PCM1: variants seen among roughly 807,000 people sequenced by gnomAD.
PCM1 encodes pericentriolar material 1, also known as pericentriolar material 1 protein.
PCM1 carries 157 observed loss-of-function variants against 241.9 expected under a neutral mutation model. The observed-to-expected ratio is 0.65, with a 90% CI of 0.57 to 0.74. The LOEUF is 0.74. Among genes scored for constraint, PCM1 ranks in the 30% least tolerant of loss-of-function variants. The probability of loss-of-function intolerance (pLI) is 0.00; values close to 1 mark genes in which losing one functional copy is unlikely to be tolerated. For missense variants in PCM1, 3,478 were observed against 2,360.1 expected (o/e 1.47, Z -9.81); for synonymous variants, 1,085 against 784.9 (o/e 1.38, Z -6.39).
intron 3 of PCM1, 24 bp downstream of exon 3, chr8:17,935,730 T>C: frequency 9.5e-7 from 1 of 1,053,046 alleles, no homozygotes; most frequent in Middle Eastern, 2.0e-4. Context: ...CTCTTCATGG[T>C]GTGTTGTTGG....
At chr8:17,970,384 T>G (rs2076435013) in intron 22 of PCM1, among the ~76,000 whole-genome samples, 1 of 152,068 alleles carries the variant, frequency 6.6e-6, no homozygotes, top group African/African-American at 2.4e-5. Flanking sequence ...TCTCAGGCTC[T>G]TATATTAGCA....
chr8:17,970,431 A>ATTT (rs11399726), intron 22 of PCM1, among the ~76,000 whole-genome samples: 2 of 142,956 alleles, frequency 1.4e-5, no homozygotes, highest in South Asian at 2.2e-4. Flanking sequence ...ATTAACTGGG[A>ATTT]TTTTTTTTTT....
chr8:17,955,529 T>G lies in PCM1; in HGVS notation c.1348T>G (p.Leu450Val), dbSNP rs967392646. ...TTCAGCTCCCTCTGCTTCTGTAGGC[T>G]TGGCACCGGTTGTCAATGGAGAATC... ...STSAPSASVGLAPVVNGESNS... is the reference protein window; with the variant it reads ...STSAPSASVGVAPVVNGESNS... Residue 450 changes from leucine to valine, a missense_variant, in exon 10 of 39, where the codon TTG becomes GTG. Transcript: ENST00000325083. 1 of 1,613,804 alleles carries G rather than the reference T, an allele frequency of 6.2e-7. No homozygotes were observed. The highest frequency in any genetic ancestry group is 8.5e-7 in the Non-Finnish European group (1 of 1,179,782).
At chr8:17,970,117 A>G (rs994345444) in intron 22 of PCM1, among the ~76,000 whole-genome samples, 1 of 152,148 alleles carries the variant, frequency 6.6e-6, no homozygotes, top group African/African-American at 2.4e-5. Flanking sequence ...CTTGATTAGA[A>G]TCACTTCCTA....
chr8:17,999,831 C>T (rs1411176857), intron 29 of PCM1, among the ~76,000 whole-genome samples: 1 of 150,934 alleles, frequency 6.6e-6, no homozygotes, highest in African/African-American at 2.5e-5. Context: ...TCTTGCTCCA[C>T]CCCTGCCTTT....
intron 15 of PCM1, 83 bp downstream of exon 15, chr8:17,960,527 G>GTTGTTC: frequency 2.4e-6 from 1 of 412,976 alleles, no homozygotes; most frequent in East Asian, 5.0e-5. Flanking sequence ...TTTTGTTTTT[G>GTTGTTC]TTTTTCTTTT....
In PCM1 at chr8:17,961,342, G is replaced by C. The variant is rs376108568; in HGVS notation, c.2323-692G>C. ...TTTTTTTTTTTTGAGACGGAGTCTCGCTCTGTGGCCCAGGTGGGAGTGCAG... is the reference window on the plus strand; with the variant it reads ...TTTTTTTTTTTTGAGACGGAGTCTCCCTCTGTGGCCCAGGTGGGAGTGCAG... On this transcript the variant is annotated intron_variant, in intron 15 of 38. Coordinates refer to ENST00000325083, the MANE Select transcript of PCM1 (RefSeq NM_006197.4). Among the ~76,000 whole-genome samples the C allele has an allele frequency of 1.5e-3, 174 of 112,446 alleles. 2 individuals carry two copies. The East Asian group carries it at 0.023, about 15-fold the overall frequency. 73.8% of individuals were successfully genotyped at this position (112,446 alleles called of 152,430 possible).
At position 17,980,750 on chromosome 8, in the gene PCM1, C is replaced by G; in HGVS notation, c.4103C>G (p.Ser1368Cys). ...IIKCNRSTEI[S>C]SETGSDFSMF... ...AAATGTAATAGGTCTACAGAAATATCTTCAGGTATGTTCTTTTTTGGTTTG... is the reference window on the plus strand; with the variant it reads ...AAATGTAATAGGTCTACAGAAATATGTTCAGGTATGTTCTTTTTTGGTTTG... The change falls in exon 24 of 39, where the codon TCT becomes TGT. Residue 1368 changes from serine (S) to cysteine (C), a missense_variant. Transcript: ENST00000325083. The G allele has an allele frequency of 2.5e-6, 4 of 1,603,594 alleles. No individual in the cohort carries two copies. The highest frequency in any genetic ancestry group is 3.4e-6 in the Non-Finnish European group (4 of 1,176,160).
intron 21 of PCM1, 133 bp downstream of exon 21, chr8:17,967,303 CTCTT>C: frequency 1.7e-6 from 1 of 603,616 alleles, no homozygotes; most frequent in Non-Finnish European, 2.7e-6. Context: ...AAGTTACAAA[CTCTT>C]TTTTTTTTTT....
intron 10 of PCM1, chr8:17,956,061 T>C (rs1016206354): frequency 9.0e-5 from 20 of 221,498 alleles, no homozygotes; most frequent in African/African-American, 3.5e-4. Flanking sequence ...GATGATAATA[T>C]ACCTGTTGAT....
intron 36 of PCM1, chr8:18,024,836 A>T (rs543968995): frequency 6.6e-6 from 1 of 152,422 alleles, no homozygotes; most frequent in East Asian, 1.9e-4. Flanking sequence ...TACTTGGATA[A>T]TTGGTAGAAT....
chr8:17,934,768 T>A (rs573696687), intron 2 of PCM1: 1 of 152,346 alleles, frequency 6.6e-6, no homozygotes, highest in South Asian at 2.1e-4. Flanking sequence ...TCTGCAAGAT[T>A]ATGCAGAAAT....
Position 18,025,017 on chromosome 8 carries a change from C to T in PCM1, c.5842-344C>T, listed in dbSNP as rs73666811. The T allele has an allele frequency of 9.3e-3, 1,605 of 172,280 alleles. 20 individuals are homozygous for T. The highest frequency in any genetic ancestry group is 0.032 in the African/African-American group (1,332 of 42,134). The allele number at this position is 172,280 out of a possible 1,614,324, so 10.7% of individuals were successfully genotyped here. A position where few individuals can be genotyped will look rare whatever the true frequency, so the allele number is the denominator to read the frequency against. On this transcript the variant is annotated intron_variant, in intron 36 of 38. Transcript: ENST00000325083. ...TGAAAAGTTTGTAAGTGGTTACTTACATTCTGCTGGGTACAGCTCTCGTGT... is the reference window on the plus strand; with the variant it reads ...TGAAAAGTTTGTAAGTGGTTACTTATATTCTGCTGGGTACAGCTCTCGTGT...
intron 17 of PCM1, among the ~76,000 whole-genome samples, chr8:17,963,562 T>C (rs752947865): frequency 1.3e-5 from 2 of 152,238 alleles, no homozygotes; most frequent in Non-Finnish European, 2.9e-5. Context: ...ATAAGCCTTA[T>C]TAGTTAAGTT....
chr8:18,022,274 T>G (rs747308389), intron 36 of PCM1, among the ~76,000 whole-genome samples: 9 of 152,222 alleles, frequency 5.9e-5, no homozygotes, highest in Non-Finnish European at 1.2e-4. Flanking sequence ...ATGAAACGAC[T>G]ACATTTAAAA....
At chr8:18,018,863 T>TATATATATATATATACATATACATATAC (rs1244363766) in intron 36 of PCM1, among the ~76,000 whole-genome samples, 1 of 62,588 alleles carries the variant, frequency 1.6e-5, no homozygotes, top group Non-Finnish European at 3.7e-5. Context: ...TATATATATA[T>TATATATATATATATACATATACATATAC]ATATATATAT....
chr8:18,029,786 A>G lies in PCM1; in HGVS notation c.*2124A>G, dbSNP rs529233388. 2.6e-5 allele frequency: 5 copies of G among 196,030 alleles called. No individual in the cohort carries two copies. The South Asian group carries it at 7.7e-4, about 30-fold the overall frequency. The allele number at this position is 196,030 out of a possible 1,614,324, so 12.1% of individuals were successfully genotyped here. A position where few individuals can be genotyped will look rare whatever the true frequency, so the allele number is the denominator to read the frequency against. On this transcript the variant is annotated 3_prime_UTR_variant, in exon 39 of 39. Transcript: ENST00000325083. ...TTAAAAATTTTGGTTACAGATAGAT[A>G]GAGGGAGAAAAGTTCAAAATGAGTG... is the stretch of plus-strand genomic sequence containing the variant.
chr8:17,970,677 A>G (rs1477283687), intron 22 of PCM1, among the ~76,000 whole-genome samples: 1 of 152,170 alleles, frequency 6.6e-6, no homozygotes, highest in African/African-American at 2.4e-5. Context: ...CGAGCAGTAA[A>G]CATTTATTCA....
intron 27 of PCM1, among the ~76,000 whole-genome samples, chr8:17,990,334 A>G (rs2084131075): frequency 2.0e-5 from 3 of 152,010 alleles, no homozygotes; most frequent in African/African-American, 7.2e-5. Flanking sequence ...CATGGGAACA[A>G]TTCAGGCCTC....
Sources: gnomAD v4.1 joint callset for allele counts (sites outside exome capture counted in the v4.1 genomes callset) on GRCh38, gnomAD v4.1.1 for gene constraint, MANE v1.5 for transcripts, NCBI Gene and HGNC (gene_info 2026-07-23, HGNC 2026-07-21) for gene names.